The following ISY1 variants were observed in gnomAD, a reference collection of about 807,000 sequenced individuals.
ISY1 encodes the protein pre-mRNA-splicing factor ISY1 homolog.
ISY1 carries 12 observed loss-of-function variants against 54.4 expected under a neutral mutation model. That is an observed-to-expected ratio of 0.22 (90% CI 0.14 to 0.36). The LOEUF is 0.36. ISY1 is among the 10% of genes least tolerant of loss of function. ISY1 has a pLI of 1.00. For synonymous variants in ISY1, 96 were observed against 117.9 expected, an observed-to-expected ratio of 0.81 and a Z score of 1.20; for missense variants, 282 against 342.2, an observed-to-expected ratio of 0.82 and a Z score of 1.39.
At chr3:129,141,230 TAAAA>T (rs1553781837) in intron 6 of ISY1, among the ~76,000 whole-genome samples, 10 of 112,058 alleles carry the variant, frequency 8.9e-5, no homozygotes, top group East Asian at 6.3e-4. Context: ...AATAAATAAA[TAAAA>T]AACACTTATG....
intron 9 of ISY1, among the ~76,000 whole-genome samples, chr3:129,133,656 T>C (rs1305597672): frequency 6.6e-6 from 1 of 152,160 alleles, no homozygotes; most frequent in Non-Finnish European, 1.5e-5. Flanking sequence ...ATTGTGCCAC[T>C]GCACTCCAGC....
chr3:129,130,340 T>C lies in ISY1; in HGVS notation c.751-152A>G, dbSNP rs1455745325. On this transcript the variant is annotated intron_variant, in intron 10 of 10. Coordinates refer to ENST00000393295, the MANE Select transcript of ISY1 (RefSeq NM_020701.4). The stretch of plus-strand genomic sequence containing the variant: ...CTCCAAGAGTCCTAACTCCCTCCCA[T>C]TGGAAACATTTGAACGATAGAATGG... 23 of 1,262,504 alleles carry C rather than the reference T, an allele frequency of 1.8e-5. No individual in the cohort carries two copies. In the South Asian group the frequency reaches 2.5e-4, roughly 14 times the overall value. 78.2% of individuals were successfully genotyped at this position (1,262,504 alleles called of 1,614,324 possible). A position where few individuals can be genotyped will look rare whatever the true frequency, so the allele number is the denominator to read the frequency against.
intron 7 of ISY1, 126 bp downstream of exon 7, chr3:129,140,242 C>T: frequency 1.2e-6 from 1 of 810,400 alleles, no homozygotes; most frequent in South Asian, 2.0e-5. Flanking sequence ...AATCTGGGAA[C>T]AATAATTCCT....
chr3:129,151,192 AAT>A (rs1336984727), intron 5 of ISY1, among the ~76,000 whole-genome samples: 1 of 147,936 alleles, frequency 6.8e-6, no homozygotes, highest in Non-Finnish European at 1.5e-5. Context: ...AATATATAAA[AAT>A]ATATATATGA....
intron 3 of ISY1, 41 bp downstream of exon 3, chr3:129,158,467 T>C (rs151011834): frequency 2.4e-4 from 390 of 1,611,348 alleles, no homozygotes; most frequent in Non-Finnish European, 3.2e-4. Flanking sequence ...CCTGCATTTA[T>C]TCTTGATACT....
At position 129,161,052 on chromosome 3, in the gene ISY1, C is replaced by A; in HGVS notation, c.-77G>T. 1 of 1,539,180 alleles carries A rather than the reference C, an allele frequency of 6.5e-7. No individual in the cohort carries two copies. The highest frequency in any genetic ancestry group is 1.2e-5 in the South Asian group (1 of 83,252). On this transcript the variant is annotated 5_prime_UTR_variant, in exon 1 of 11. Transcript: ENST00000393295. ...TCCACAGGCCCAGAAGACGCCGACG[C>A]TCACAGGAACTGAAGATTCCAACTA...
At chr3:129,156,232 A>G (rs1307757808) in intron 5 of ISY1, among the ~76,000 whole-genome samples, 3 of 151,728 alleles carry the variant, frequency 2.0e-5, no homozygotes, top group Non-Finnish European at 1.5e-5. Flanking sequence ...CCCTGTCTCT[A>G]CTGAAAGTAC....
rs1303357935 is a variant in ISY1, at chr3:129,127,531, C to T, written c.*2550G>A. On this transcript the variant is annotated 3_prime_UTR_variant, in exon 11 of 11. Coordinates refer to ENST00000393295, the MANE Select transcript of ISY1 (RefSeq NM_020701.4). ...CCACACCCACCCAGCCAGCTTCCCCCACCCCCAGCTGTTTCCAGGCCTGGG... is the reference window on the plus strand; with the variant it reads ...CCACACCCACCCAGCCAGCTTCCCCTACCCCCAGCTGTTTCCAGGCCTGGG... 6.6e-6 allele frequency: 1 copy of T among 152,324 alleles called. No individual in the cohort carries two copies. The highest frequency in any genetic ancestry group is 1.5e-5 in the Non-Finnish European group (1 of 68,122). The allele number at this position is 152,324 out of a possible 1,614,324, so 9.4% of individuals were successfully genotyped here. A position where few individuals can be genotyped will look rare whatever the true frequency, so the allele number is the denominator to read the frequency against.
intron 1 of ISY1, 125 bp from the exon 2 acceptor site, chr3:129,159,301 GAAC>G: frequency 7.9e-7 from 1 of 1,258,910 alleles, no homozygotes; most frequent in Non-Finnish European, 1.1e-6. Context: ...AGTACTATAT[GAAC>G]AACAATAAAC....
At position 129,155,959 on chromosome 3, in the gene ISY1, G is replaced by A. The variant is rs188154883; in HGVS notation, c.187+674C>T. Among the ~76,000 whole-genome samples, 23 of 152,158 alleles carry A rather than the reference G, an allele frequency of 1.5e-4. No homozygotes were observed. The East Asian group carries it at 4.3e-3, about 28-fold the overall frequency. ...TGGTCTCAAACCCCAGACCTTAGGT[G>A]ATCCTCCCTCCTCGGCCTCCCAAAG... On this transcript the variant is annotated intron_variant, in intron 5 of 10. Coordinates refer to ENST00000393295, the MANE Select transcript of ISY1 (RefSeq NM_020701.4).
intron 2 of ISY1, 83 bp from the exon 3 acceptor site, chr3:129,158,642 G>A: frequency 3.8e-6 from 6 of 1,562,032 alleles, no homozygotes; most frequent in Admixed American, 1.7e-5. Flanking sequence ...GTATGGGGTA[G>A]ATCTGCTTAT....
chr3:129,134,182 T>A lies in ISY1; in HGVS notation c.555A>T (p.Leu185Phe). The change falls in exon 9 of 11, where the codon TTA becomes TTT. Residue 185 changes from leucine to phenylalanine, a missense_variant. By Grantham distance (22) the Leu-to-Phe change is conservative. Transcript: ENST00000393295. ...CTCTCTCTGCTTTCCACTTTTCCAC[T>A]AACTCGGCTCTGACTGAACACAAGA... ...QEYEKKLRAE[L>F]VEKWKAEREA... is the part of the protein sequence containing the mutation. The A allele has an allele frequency of 6.2e-7, 1 of 1,614,176 alleles. No individual in the cohort carries two copies. The highest frequency in any genetic ancestry group is 1.3e-5 in the African/African-American group (1 of 75,058).
chr3:129,140,346 A>G (rs754692121), intron 7 of ISY1, 22 bp downstream of exon 7: 2 of 1,501,776 alleles, frequency 1.3e-6, no homozygotes, highest in Non-Finnish European at 8.8e-7. Context: ...TGAAAGGCTA[A>G]AACTGTCACA....
In ISY1 at chr3:129,127,966, C is replaced by A. The variant is rs2107596392; in HGVS notation, c.*2115G>T. The A allele has an allele frequency of 6.6e-6, 1 of 152,494 alleles. No homozygotes were observed. Among genetic ancestry groups the A allele is most frequent in the East Asian group, 1.9e-4 (1 of 5,178 alleles). 9.4% of individuals were successfully genotyped at this position (152,494 alleles called of 1,614,324 possible). ...CTTGGAAGACAAACCCACAACCAGG[C>A]CTGTCTGAGGCCGGCCATCCGCACG... On this transcript the variant is annotated 3_prime_UTR_variant, in exon 11 of 11. Transcript: ENST00000393295.
At chr3:129,143,004 G>A (rs895437292) in intron 6 of ISY1, among the ~76,000 whole-genome samples, 4 of 151,906 alleles carry the variant, frequency 2.6e-5, no homozygotes, top group East Asian at 1.9e-4. Context: ...GCAGTGAGTC[G>A]AAATCACACT....
intron 3 of ISY1, 138 bp from the exon 4 acceptor site, chr3:129,157,058 CA>C: frequency 1.1e-6 from 1 of 925,670 alleles, no homozygotes; most frequent in Non-Finnish European, 1.6e-6. Flanking sequence ...TGATCCTCAT[CA>C]AGCCTTAAAC....
In ISY1 at chr3:129,128,289, A is replaced by T. The variant is rs1936143856; in HGVS notation, c.*1792T>A. 6.6e-6 allele frequency: 1 copy of T among 151,750 alleles called. No homozygotes were observed. The highest frequency in any genetic ancestry group is 1.5e-5 in the Non-Finnish European group (1 of 68,014). The allele number at this position is 151,750 out of a possible 1,614,324, so 9.4% of individuals were successfully genotyped here. On this transcript the variant is annotated 3_prime_UTR_variant, in exon 11 of 11. Transcript: ENST00000393295. ...CTGGACACCTCTCCTCCCTGCACAC[A>T]TTTGCCTCCGGGCTTGACTGAGGGC... is the stretch of plus-strand genomic sequence containing the variant.
intron 5 of ISY1, among the ~76,000 whole-genome samples, chr3:129,156,091 G>A (rs1222692928): frequency 1.3e-5 from 2 of 151,860 alleles, no homozygotes; most frequent in African/African-American, 4.8e-5. Context: ...AATGTTCCAC[G>A]TGCTCTTAAA....
chr3:129,137,153 C>G (rs1022607622), intron 7 of ISY1: 21 of 435,872 alleles, frequency 4.8e-5, no homozygotes, highest in Non-Finnish European at 6.1e-5. Context: ...CCGCCTCAGC[C>G]TCCCAAAGTG....
Sources: gnomAD v4.1 joint callset for allele counts (sites outside exome capture counted in the v4.1 genomes callset) on GRCh38, gnomAD v4.1.1 for gene constraint, MANE v1.5 for transcripts, NCBI Gene and HGNC (gene_info 2026-07-23, HGNC 2026-07-21) for gene names.